INTU: variants seen among roughly 807,000 people sequenced by gnomAD.
INTU encodes inturned planar cell polarity protein, also known as protein inturned.
In INTU, 68 loss-of-function variants were observed where a neutral mutation model predicts 100.5. The observed-to-expected ratio is 0.68, with a 90% CI of 0.56 to 0.83. The LOEUF (loss-of-function observed/expected upper bound fraction) is 0.83, where lower values mean the gene tolerates loss of function less well. Ranked by LOEUF, INTU falls within the 40% of genes least tolerant of loss-of-function variation. INTU has a pLI of 0.00. For missense variants in INTU, 1,071 were observed against 1,114.7 expected (o/e 0.96, Z 0.56); for synonymous variants, 357 against 395.7 (o/e 0.90, Z 1.16).
rs141542449 is a variant in INTU at position 127,706,965 on chromosome 4, T to C, written c.2267T>C (p.Leu756Pro). The C allele has an allele frequency of 4.3e-4, 695 of 1,611,790 alleles. 2 individuals carry two copies. Among genetic ancestry groups the C allele is most frequent in the Non-Finnish European group, 5.0e-4 (585 of 1,178,782 alleles). ...SDGLEESGTL[L>P]KVTKKKSTLP... ...GGTTTAGAAGAAAGTGGGACCTTGC[T>C]TAAGGTGTGTGCTTATTCAAGTGTG... is the stretch of plus-strand genomic sequence containing the variant. The change falls in exon 12 of 16, where the codon CTT (leucine) becomes CCT (proline). Residue 756 changes from leucine to proline, a missense_variant. Coordinates refer to ENST00000335251, the MANE Select transcript of INTU (RefSeq NM_015693.4).
At chr4:127,655,316 T>C (rs888324978) in intron 2 of INTU, among the ~76,000 whole-genome samples, 16 of 152,122 alleles carry the variant, frequency 1.1e-4, no homozygotes, top group South Asian at 6.2e-4. Context: ...TTAGAGTTTC[T>C]AGTTTTTCTG....
In INTU at chr4:127,658,880, C is replaced by T. The variant is rs956053652; in HGVS notation, c.768+2159C>T. On this transcript the variant is annotated intron_variant, in intron 3 of 15. Transcript: ENST00000335251. ...TTTCTATTAGTATGAAATAATTATA[C>T]AACTCACCATAATGTAGAATCAGTG... 2.0e-5 allele frequency among the ~76,000 whole-genome samples: 3 copies of T among 152,070 alleles called. No individual in the cohort carries two copies. The South Asian group carries it at 6.2e-4, about 32-fold the overall frequency.
intron 8 of INTU, among the ~76,000 whole-genome samples, chr4:127,693,791 G>A (rs139210677): frequency 1.8e-4 from 28 of 151,960 alleles, no homozygotes; most frequent in Non-Finnish European, 2.5e-4. Flanking sequence ...TAAGGATGCC[G>A]GATTTTGTCA....
At chr4:127,704,379 A>T (rs1349483812) in intron 10 of INTU, 89 bp downstream of exon 10, 2 of 972,972 alleles carry the variant, frequency 2.1e-6, no homozygotes, top group Non-Finnish European at 3.2e-6. Context: ...AAATACATTT[A>T]TCTCTTTTCT....
intron 5 of INTU, among the ~76,000 whole-genome samples, chr4:127,671,495 T>C (rs1394908515): frequency 6.6e-6 from 1 of 152,002 alleles, no homozygotes; most frequent in African/African-American, 2.4e-5. Context: ...GAAAAGGGAA[T>C]GCTTATACAG....
intron 7 of INTU, chr4:127,685,303 A>G (rs1729765512): frequency 1.0e-5 from 2 of 195,828 alleles, no homozygotes; most frequent in Admixed American, 5.8e-5. Context: ...TCTGAGGGCT[A>G]AAATGGTATC....
intron 3 of INTU, among the ~76,000 whole-genome samples, chr4:127,662,449 G>A (rs1728515646): frequency 6.6e-6 from 1 of 152,006 alleles, no homozygotes; most frequent in Non-Finnish European, 1.5e-5. Context: ...TTTTGTGTAC[G>A]GTGAGAGACA....
Position 127,710,926 on chromosome 4 carries a change from C to T in INTU, c.2383C>T (p.Pro795Ser). The T allele has an allele frequency of 6.7e-7, 1 of 1,486,954 alleles. No homozygotes were observed. The highest frequency in any genetic ancestry group is 9.1e-7 in the Non-Finnish European group (1 of 1,101,298). The allele number at this position is 1,486,954 out of a possible 1,614,324, so 92.1% of individuals were successfully genotyped here. Reference protein sequence around the residue: ...IYNTVKLTSGPENTLFHYVAL... With the variant: ...IYNTVKLTSGSENTLFHYVAL... ...TTTCTTTTTAAGACTGACATCTGGTCCTGAGAACACACTTTTCCACTACGT... is the reference window on the plus strand; with the variant it reads ...TTTCTTTTTAAGACTGACATCTGGTTCTGAGAACACACTTTTCCACTACGT... The change falls in exon 14 of 16, where the codon CCT becomes TCT. Residue 795 changes from proline to serine, a missense_variant. Coordinates refer to ENST00000335251, the MANE Select transcript of INTU (RefSeq NM_015693.4).
rs745930797 is a variant in INTU, at chr4:127,643,826, G to A, written c.452G>A (p.Gly151Glu). The change falls in exon 2 of 16, where the codon GGA becomes GAA. Residue 151 changes from glycine (G) to glutamate (E), a missense_variant. Coordinates refer to ENST00000335251, the MANE Select transcript of INTU (RefSeq NM_015693.4). ...ILKHQSNQKTGVIVQQRYKDV... is the reference protein window; with the variant it reads ...ILKHQSNQKTEVIVQQRYKDV... ...AAGCATCAGTCCAATCAGAAGACAG[G>A]AGTCATTGTCCAACAGCGATACAAA... The A allele has an allele frequency of 9.9e-6, 16 of 1,613,914 alleles. No individual in the cohort carries two copies. Among genetic ancestry groups the A allele is most frequent in the African/African-American group, 2.7e-5 (2 of 74,898 alleles).
chr4:127,691,980 A>ATATATATATATATATATATATATATGTG (rs971919620), intron 8 of INTU, among the ~76,000 whole-genome samples: 1 of 143,360 alleles, frequency 7.0e-6, no homozygotes, highest in Non-Finnish European at 1.5e-5. Context: ...ATATATATAT[A>ATATATATATATATATATATATATATGTG]TGTCACATTT....
chr4:127,672,096 A>G (rs149625770), intron 5 of INTU, among the ~76,000 whole-genome samples: 1,809 of 152,276 alleles, frequency 0.012, 16 homozygotes, highest in South Asian at 0.037. Context: ...CTTCACCACC[A>G]TGCAACATCC....
chr4:127,693,627 A>C (rs758509517), intron 8 of INTU, among the ~76,000 whole-genome samples: 13 of 151,930 alleles, frequency 8.6e-5, no homozygotes, highest in Non-Finnish European at 1.6e-4. Flanking sequence ...GAAGTGGTGA[A>C]AGTGGGCATC....
intron 10 of INTU, among the ~76,000 whole-genome samples, chr4:127,704,779 G>GT (rs1185372108): frequency 2.6e-5 from 4 of 151,570 alleles, no homozygotes; most frequent in African/African-American, 9.7e-5. Context: ...TTGAAAGAGT[G>GT]TATTTTTTAT....
chr4:127,667,610 T>G (rs1366474491), intron 4 of INTU, among the ~76,000 whole-genome samples: 1 of 152,108 alleles, frequency 6.6e-6, no homozygotes, highest in Admixed American at 6.6e-5. Context: ...GGGTTTTTTT[T>G]GTTTAAAGTA....
chr4:127,683,310 T>C (rs1004036057), intron 6 of INTU, among the ~76,000 whole-genome samples: 8 of 152,186 alleles, frequency 5.3e-5, no homozygotes. Flanking sequence ...TACCCTTCTC[T>C]TAAATGCTCA....
intron 2 of INTU, among the ~76,000 whole-genome samples, chr4:127,656,077 T>C (rs930195301): frequency 1.3e-5 from 2 of 152,326 alleles, no homozygotes; most frequent in Middle Eastern, 3.4e-3. Context: ...CGCCCTGCTT[T>C]GGCTTGCACA....
chr4:127,684,256 C>G (rs1283131875), intron 6 of INTU, among the ~76,000 whole-genome samples, 153 bp from the exon 7 acceptor site: 1 of 152,098 alleles, frequency 6.6e-6, no homozygotes, highest in Non-Finnish European at 1.5e-5. Flanking sequence ...GATCAATGGT[C>G]ATTGAAAGCG....
intron 6 of INTU, among the ~76,000 whole-genome samples, chr4:127,680,063 G>T (rs1729450876): frequency 6.6e-6 from 1 of 152,170 alleles, no homozygotes; most frequent in Non-Finnish European, 1.5e-5. Flanking sequence ...GGAAGAAGTT[G>T]ACTCTCTGAA....
intron 4 of INTU, among the ~76,000 whole-genome samples, chr4:127,668,305 C>T (rs1406206492): frequency 1.3e-5 from 2 of 151,794 alleles, no homozygotes; most frequent in African/African-American, 4.8e-5. Flanking sequence ...GGGACATGCT[C>T]TTCTTGAAAA....
Sources: gnomAD v4.1 joint callset for allele counts (sites outside exome capture counted in the v4.1 genomes callset) on GRCh38, gnomAD v4.1.1 for gene constraint, MANE v1.5 for transcripts, NCBI Gene and HGNC (gene_info 2026-07-23, HGNC 2026-07-21) for gene names.